Variants in TMEM108 observed in about 807,000 individuals in gnomAD.
The protein encoded by TMEM108 is transmembrane protein 108.
A neutral mutation model predicts 35.1 loss-of-function variants in TMEM108; 12 were observed. The observed-to-expected ratio is 0.34, with a 90% confidence interval of 0.22 to 0.55. The LOEUF is 0.55. TMEM108 is among the 20% of genes least tolerant of loss of function. The pLI is 0.89. For synonymous variants in TMEM108, 287 were observed against 308.6 expected, an observed-to-expected ratio of 0.93 and a Z score of 0.73; for missense variants, 680 against 753.3, an observed-to-expected ratio of 0.90 and a Z score of 1.14.
Position 133,100,721 on chromosome 3 carries a change from C to T in TMEM108, c.-47+54701C>T, listed in dbSNP as rs138724332. On this transcript the variant is annotated intron_variant, in intron 2 of 5. Coordinates refer to ENST00000321871, the MANE Select transcript of TMEM108 (RefSeq NM_023943.4). ...GAGGACTTTGATTCCACCATCCATCCATTCCATGAAGTCTGAAACCTGGAA... is the reference window on the plus strand; with the variant it reads ...GAGGACTTTGATTCCACCATCCATCTATTCCATGAAGTCTGAAACCTGGAA... Among the ~76,000 whole-genome samples, 1,349 of 152,332 alleles carry T rather than the reference C, an allele frequency of 8.9e-3. 15 individuals are homozygous for T. The highest frequency in any genetic ancestry group is 0.014 in the Non-Finnish European group (925 of 68,020).
chr3:133,342,555 T>TATATATATATATACAC (rs60991711), intron 3 of TMEM108, among the ~76,000 whole-genome samples: 1 of 63,452 alleles, frequency 1.6e-5, no homozygotes, highest in South Asian at 5.8e-4. Flanking sequence ...TATATATATA[T>TATATATATATATACAC]ACACACACAC....
At chr3:133,182,239 G>A (rs1352768856) in intron 2 of TMEM108, among the ~76,000 whole-genome samples, 1 of 152,198 alleles carries the variant, frequency 6.6e-6, no homozygotes, top group Non-Finnish European at 1.5e-5. Context: ...GGCAAGGAAG[G>A]TTAACTTTTC....
chr3:133,246,764 A>G (rs1328729021), intron 3 of TMEM108: 1 of 152,204 alleles, frequency 6.6e-6, no homozygotes, highest in Non-Finnish European at 1.5e-5. Context: ...GAGGAGCAGC[A>G]TACTTCACAA....
intron 2 of TMEM108, among the ~76,000 whole-genome samples, chr3:133,068,078 TTAATATATTAATGTTATA>T (rs57199216): frequency 0.02 from 3,052 of 150,948 alleles, 112 homozygotes; most frequent in African/African-American, 0.067. Flanking sequence ...AGATGTAACA[TTAATATATTAATGTTATA>T]TAATATATTA....
At chr3:133,160,563 C>T (rs1944946922) in intron 2 of TMEM108, among the ~76,000 whole-genome samples, 1 of 152,220 alleles carries the variant, frequency 6.6e-6, no homozygotes, top group Non-Finnish European at 1.5e-5. Context: ...TAGGGCATAG[C>T]CAGGCTGGCC....
At chr3:133,217,557 T>C (rs1945927699) in intron 2 of TMEM108, among the ~76,000 whole-genome samples, 1 of 152,048 alleles carries the variant, frequency 6.6e-6, no homozygotes, top group Non-Finnish European at 1.5e-5. Context: ...GATTTACAGT[T>C]TCAGTCTTAT....
chr3:133,233,238 G>T (rs991509525), intron 3 of TMEM108, among the ~76,000 whole-genome samples: 4 of 151,886 alleles, frequency 2.6e-5, no homozygotes, highest in African/African-American at 9.7e-5. Context: ...CCCTTCCTGT[G>T]TCCACGTGTT....
intron 3 of TMEM108, among the ~76,000 whole-genome samples, chr3:133,354,375 C>A (rs1484225332): frequency 6.6e-6 from 1 of 152,160 alleles, no homozygotes; most frequent in African/African-American, 2.4e-5. Context: ...GGCCAGGCAT[C>A]TGAGACTCTA....
At chr3:133,297,915 C>G (rs10512896) in intron 3 of TMEM108, among the ~76,000 whole-genome samples, 20,986 of 152,154 alleles carry the variant, frequency 0.14, 1,561 homozygotes, top group South Asian at 0.22. Context: ...GTATTGACAC[C>G]TCTTTCCCAT....
intron 2 of TMEM108, chr3:133,074,328 T>C (rs974995925): frequency 6.6e-6 from 1 of 152,272 alleles, no homozygotes; most frequent in East Asian, 1.9e-4. Context: ...CTTTTCAACT[T>C]ATGGTGGTGT....
At chr3:133,197,412 G>T (rs1184736925) in intron 2 of TMEM108, among the ~76,000 whole-genome samples, 7 of 152,104 alleles carry the variant, frequency 4.6e-5, no homozygotes, top group Non-Finnish European at 1.0e-4. Context: ...CAACATAGGG[G>T]TGTGTTACAG....
intron 2 of TMEM108, among the ~76,000 whole-genome samples, chr3:133,085,415 G>A (rs1234776856): frequency 6.6e-6 from 1 of 152,002 alleles, no homozygotes; most frequent in Non-Finnish European, 1.5e-5. Flanking sequence ...TATATACAAA[G>A]CAAAAATTGA....
intron 3 of TMEM108, among the ~76,000 whole-genome samples, chr3:133,348,854 A>C (rs2071900766): frequency 1.3e-5 from 2 of 152,168 alleles, no homozygotes; most frequent in South Asian, 4.1e-4. Context: ...AAACAAATAG[A>C]GGAAAATATT....
intron 2 of TMEM108, among the ~76,000 whole-genome samples, chr3:133,073,483 A>ATT (rs1943700035): frequency 2.2e-5 from 1 of 46,464 alleles, no homozygotes; most frequent in Non-Finnish European, 3.9e-5. Context: ...ATAGTATTCT[A>ATT]TTCTCTCTCT....
chr3:133,186,969 C>A (rs1443424879), intron 2 of TMEM108, among the ~76,000 whole-genome samples: 6 of 152,102 alleles, frequency 3.9e-5, no homozygotes, highest in African/African-American at 1.4e-4. Context: ...GAAAACCAGA[C>A]CTTGGGCAAG....
At chr3:133,371,639 A>AAAAAC (rs2072679939) in intron 3 of TMEM108, among the ~76,000 whole-genome samples, 2 of 135,952 alleles carry the variant, frequency 1.5e-5, no homozygotes, top group African/African-American at 2.6e-5. Flanking sequence ...AAAAAAAAAA[A>AAAAAC]CCCACCCAGA....
At chr3:133,136,071 G>A (rs1476678288) in intron 2 of TMEM108, among the ~76,000 whole-genome samples, 1 of 152,188 alleles carries the variant, frequency 6.6e-6, no homozygotes, top group African/African-American at 2.4e-5. Flanking sequence ...TTGGAATACA[G>A]ATCTGGGTTT....
At chr3:133,191,158 G>A (rs985190610) in intron 2 of TMEM108, among the ~76,000 whole-genome samples, 16 of 152,172 alleles carry the variant, frequency 1.1e-4, no homozygotes, top group African/African-American at 3.9e-4. Context: ...AAGGATTGGG[G>A]TGGGAGGATC....
intron 2 of TMEM108, among the ~76,000 whole-genome samples, chr3:133,155,324 G>A (rs1944864656): frequency 6.6e-6 from 1 of 152,106 alleles, no homozygotes. Context: ...TAAACATAAT[G>A]TGTGCATGTG....
Sources: gnomAD v4.1 joint callset for allele counts (sites outside exome capture counted in the v4.1 genomes callset) on GRCh38, gnomAD v4.1.1 for gene constraint, MANE v1.5 for transcripts, NCBI Gene and HGNC (gene_info 2026-07-23, HGNC 2026-07-21) for gene names.